The following SYNE1 variants were observed in gnomAD, a reference collection of about 807,000 sequenced individuals.
The protein encoded by SYNE1 is nesprin-1.
A neutral mutation model predicts 1,111.0 loss-of-function variants in SYNE1; 616 were observed. That is an observed-to-expected ratio of 0.55 (90% CI 0.52 to 0.59). The LOEUF is 0.59. SYNE1 is among the 20% of genes least tolerant of loss of function. The probability of loss-of-function intolerance (pLI) is 0.00; values close to 1 mark genes in which losing one functional copy is unlikely to be tolerated. For missense variants in SYNE1, 10,006 were observed against 10,417.0 expected, an observed-to-expected ratio of 0.96 and a Z score of 1.72; for synonymous variants, 3,855 against 3,825.8, an observed-to-expected ratio of 1.01 and a Z score of -0.28.
intron 34 of SYNE1, among the ~76,000 whole-genome samples, chr6:152,431,848 AT>A (rs1385770216): frequency 2.0e-5 from 3 of 152,140 alleles, no homozygotes; most frequent in Non-Finnish European, 4.4e-5. Context: ...AATATTTGTT[AT>A]TTGAGCATTT....
intron 126 of SYNE1, 47 bp downstream of exon 126, chr6:152,206,118 TACA>T: frequency 1.9e-6 from 3 of 1,555,946 alleles, no homozygotes; most frequent in South Asian, 1.1e-5. Context: ...GAGGAAGTAG[TACA>T]ACGACTAAAA....
At chr6:152,364,686 G>GAAGGA (rs1554548785) in intron 63 of SYNE1, among the ~76,000 whole-genome samples, 161 bp downstream of exon 63, 13 of 108,070 alleles carry the variant, frequency 1.2e-4, no homozygotes, top group East Asian at 8.3e-4. Flanking sequence ...AAGGAGGAAG[G>GAAGGA]AGGAAGGAAG....
chr6:152,606,066 C>T (rs1297026966), intron 3 of SYNE1, among the ~76,000 whole-genome samples: 2 of 152,106 alleles, frequency 1.3e-5, no homozygotes, highest in Non-Finnish European at 2.9e-5. Context: ...GGTTTAAATA[C>T]CCTCCATGTT....
At chr6:152,259,507 G>T (rs1216470533) in intron 101 of SYNE1, among the ~76,000 whole-genome samples, 2 of 152,096 alleles carry the variant, frequency 1.3e-5, no homozygotes, top group Admixed American at 1.3e-4. Flanking sequence ...GTATTTCTAG[G>T]ATACAAAATT....
intron 3 of SYNE1, among the ~76,000 whole-genome samples, chr6:152,605,076 AGAAGGAAGGAAGGAAGGAAG>A (rs376634946): frequency 1.4e-3 from 44 of 32,362 alleles, no homozygotes; most frequent in South Asian, 9.4e-3. Context: ...GAGGGAGGAA[AGAAGGAAGGAAGGAAGGAAG>A]GAAGGAAGGA....
At chr6:152,564,353 G>C (rs189682159) in intron 3 of SYNE1, among the ~76,000 whole-genome samples, 78 of 152,314 alleles carry the variant, frequency 5.1e-4, no homozygotes, top group African/African-American at 1.6e-3. Context: ...GTCTCACTCT[G>C]TCACCCAGAC....
At chr6:152,380,671 C>CT (rs1471965881) in intron 56 of SYNE1, 2 of 332,974 alleles carry the variant, frequency 6.0e-6, no homozygotes, top group Admixed American at 9.1e-5. Context: ...CTATGACTCT[C>CT]TGTCTATTTA....
chr6:152,576,027 C>A (rs1488884568), intron 3 of SYNE1, among the ~76,000 whole-genome samples: 1 of 152,238 alleles, frequency 6.6e-6, no homozygotes, highest in South Asian at 2.1e-4. Flanking sequence ...AATCAGCAAA[C>A]GTGCCTGTGC....
Position 152,330,567 on chromosome 6 carries a change from A to G in SYNE1, c.14118T>C (p.Val4706=), listed in dbSNP as rs2096223822. ...RMSKVPTDLA[V]EEALSLQDGC... is the part of the protein sequence containing the mutation. The stretch of plus-strand genomic sequence containing the variant: ...CATCTTGCAGAGAAAGAGCCTCCTC[A>G]ACGGCCAGGTCGGTGGGAACTTTGC... Residue 4706 remains valine, a synonymous_variant, in exon 78 of 146, where the codon GTT becomes GTC. Transcript: ENST00000367255. 1 of 1,613,972 alleles carries G rather than the reference A, an allele frequency of 6.2e-7. No homozygotes were observed. The highest frequency in any genetic ancestry group is 8.5e-7 in the Non-Finnish European group (1 of 1,180,032).
intron 104 of SYNE1, among the ~76,000 whole-genome samples, chr6:152,254,413 G>A (rs1285509550): frequency 6.6e-6 from 1 of 151,768 alleles, no homozygotes; most frequent in African/African-American, 2.4e-5. Flanking sequence ...ACCACACCCT[G>A]CTAATTTTTG....
chr6:152,435,860 G>A (rs1480075399), intron 33 of SYNE1, 81 bp downstream of exon 33: 3 of 1,515,318 alleles, frequency 2.0e-6, no homozygotes, highest in Admixed American at 3.4e-5. Flanking sequence ...TTTTAAAAGA[G>A]TGTTTTGAAT....
At chr6:152,397,905 G>T (rs1053538926) in intron 49 of SYNE1, among the ~76,000 whole-genome samples, 8 of 151,744 alleles carry the variant, frequency 5.3e-5, no homozygotes, top group Non-Finnish European at 1.0e-4. Flanking sequence ...GGAGGCTGAG[G>T]CAGGAGAATC....
chr6:152,276,959 A>G (rs2093666855), intron 98 of SYNE1, among the ~76,000 whole-genome samples: 1 of 137,564 alleles, frequency 7.3e-6, no homozygotes, highest in Non-Finnish European at 1.5e-5. Flanking sequence ...ATCTCAGCTC[A>G]CTGTAACCTC....
At chr6:152,513,197 A>C (rs532238051) in intron 6 of SYNE1, among the ~76,000 whole-genome samples, 6 of 152,230 alleles carry the variant, frequency 3.9e-5, no homozygotes, top group Non-Finnish European at 8.8e-5. Flanking sequence ...CTGAGTTATA[A>C]GACAGAGGCT....
rs2095945304 is a variant in SYNE1 at position 152,323,450 on chromosome 6, A to C, written c.15917+28T>G. ...CGAGACTCCAAACAAACAAACAAAC[A>C]AAAGAATGAAAGTAGGTGCTTAATT... On this transcript the variant is annotated intron_variant, in intron 82 of 145. Transcript: ENST00000367255. 7.5e-6 allele frequency: 12 copies of C among 1,608,602 alleles called. 1 individual carries two copies. The highest frequency in any genetic ancestry group is 1.0e-5 in the Non-Finnish European group (12 of 1,179,962).
intron 104 of SYNE1, among the ~76,000 whole-genome samples, chr6:152,251,427 G>A (rs1262713974): frequency 6.6e-6 from 1 of 152,116 alleles, no homozygotes; most frequent in Non-Finnish European, 1.5e-5. Flanking sequence ...AACTTTAAGA[G>A]GTGCTAGTAA....
At chr6:152,502,092 A>G (rs2099032932) in intron 10 of SYNE1, among the ~76,000 whole-genome samples, 1 of 152,178 alleles carries the variant, frequency 6.6e-6, no homozygotes, top group African/African-American at 2.4e-5. Context: ...TAAAAAATTT[A>G]TGACAATTAA....
Position 152,350,715 on chromosome 6 carries a change from TTCTC to T in SYNE1, c.11632_11635del (p.Glu3878ArgfsTer14). On this transcript the variant is annotated frameshift_variant, in exon 71 of 146. Transcript: ENST00000367255. LOFTEE classifies it high-confidence loss of function. The stretch of plus-strand genomic sequence containing the variant: ...CACCAGTTCCAAAAGAGCTTCACCC[TTCTC>T]TCTCACTGACTTTACTGATGGTTCA... 1.2e-6 allele frequency: 2 copies of T among 1,614,122 alleles called. No homozygotes were observed. The highest frequency in any genetic ancestry group is 1.7e-6 in the Non-Finnish European group (2 of 1,180,016).
chr6:152,206,696 G>A lies in SYNE1; in HGVS notation c.22825-334C>T, dbSNP rs145752691. ...GCAGTAAAGGCTGAATGTGTCTTGC[G>A]AGACATGAACTTCACCAGATTAAGA... On this transcript the variant is annotated intron_variant, in intron 125 of 145. Coordinates refer to ENST00000367255, the MANE Select transcript of SYNE1 (RefSeq NM_182961.4). Among the ~76,000 whole-genome samples, 790 of 152,290 alleles carry A rather than the reference G, an allele frequency of 5.2e-3. 12 individuals carry two copies. The highest frequency in any genetic ancestry group is 0.018 in the African/African-American group (740 of 41,558).
Sources: gnomAD v4.1 joint callset for allele counts (sites outside exome capture counted in the v4.1 genomes callset) on GRCh38, gnomAD v4.1.1 for gene constraint, MANE v1.5 for transcripts, NCBI Gene and HGNC (gene_info 2026-07-23, HGNC 2026-07-21) for gene names.